The following CDH2 variants were observed in gnomAD, a reference collection of about 807,000 sequenced individuals.
CDH2 encodes the protein cadherin-2.
A neutral mutation model predicts 92.0 loss-of-function variants in CDH2; 17 were observed. That is an observed-to-expected ratio of 0.18 (90% CI 0.13 to 0.28). The LOEUF (loss-of-function observed/expected upper bound fraction) is 0.28. CDH2 is among the 10% of genes least tolerant of loss of function. The pLI is 1.00. For synonymous variants in CDH2, 419 were observed against 415.9 expected, an observed-to-expected ratio of 1.01 and a Z score of -0.09; for missense variants, 862 against 1,133.1, an observed-to-expected ratio of 0.76 and a Z score of 3.44.
intron 4 of CDH2, 105 bp from the exon 5 acceptor site, chr18:28,009,977 C>T (rs1212279499): frequency 3.9e-6 from 3 of 760,096 alleles, no homozygotes; most frequent in East Asian, 2.9e-5. Flanking sequence ...CAAACTTATA[C>T]CATCTCTCCC....
At chr18:28,164,653 C>G (rs754214346) in intron 1 of CDH2, among the ~76,000 whole-genome samples, 5 of 132,370 alleles carry the variant, frequency 3.8e-5, no homozygotes, top group Non-Finnish European at 5.9e-5. Context: ...AGTCTCAAAA[C>G]ACACACACAC....
At chr18:27,995,439 A>G (rs2012552147) in intron 7 of CDH2, among the ~76,000 whole-genome samples, 1 of 152,164 alleles carries the variant, frequency 6.6e-6, no homozygotes, top group African/African-American at 2.4e-5. Context: ...TTCGCAGGAC[A>G]TTCAGTTCAG....
chr18:28,147,604 T>C, intron 2 of CDH2, 69 bp downstream of exon 2: 1 of 975,710 alleles, frequency 1.0e-6, no homozygotes, highest in Non-Finnish European at 1.6e-6. Context: ...TGATTTAGGC[T>C]TTTTTAATGG....
intron 2 of CDH2, among the ~76,000 whole-genome samples, chr18:28,087,536 G>C (rs2014956214): frequency 6.6e-6 from 1 of 151,966 alleles, no homozygotes; most frequent in Non-Finnish European, 1.5e-5. Context: ...GATAAACTGG[G>C]TTTTTACTCC....
intron 14 of CDH2, among the ~76,000 whole-genome samples, chr18:27,975,606 T>G (rs2011801195): frequency 6.6e-6 from 1 of 152,216 alleles, no homozygotes; most frequent in African/African-American, 2.4e-5. Flanking sequence ...GAGGGCGTGT[T>G]ACAATGCTCT....
At chr18:28,117,747 C>T (rs1290595039) in intron 2 of CDH2, among the ~76,000 whole-genome samples, 2 of 151,982 alleles carry the variant, frequency 1.3e-5, no homozygotes, top group Admixed American at 6.6e-5. Flanking sequence ...TCAGTAACCA[C>T]GTAGTGCAAA....
chr18:27,988,709 T>A (rs776509684), intron 10 of CDH2, 43 bp from the exon 11 acceptor site: 3 of 1,429,272 alleles, frequency 2.1e-6, no homozygotes, highest in African/African-American at 1.4e-5. Context: ...TATGAAACTT[T>A]AAAAAAACAT....
chr18:28,088,145 A>G (rs912038673), intron 2 of CDH2, among the ~76,000 whole-genome samples: 1 of 152,228 alleles, frequency 6.6e-6, no homozygotes, highest in African/African-American at 2.4e-5. Flanking sequence ...GAAGCAACTA[A>G]TTTATAACAC....
At chr18:28,061,185 A>G (rs1413667154) in intron 2 of CDH2, among the ~76,000 whole-genome samples, 2 of 152,132 alleles carry the variant, frequency 1.3e-5, no homozygotes, top group East Asian at 3.9e-4. Context: ...TGGGACTTAT[A>G]TATTGTACTT....
intron 2 of CDH2, among the ~76,000 whole-genome samples, chr18:28,053,744 T>G (rs1325436662): frequency 6.6e-6 from 1 of 152,220 alleles, no homozygotes; most frequent in Non-Finnish European, 1.5e-5. Context: ...TATACTAAAT[T>G]TGTTTTTTAA....
intron 1 of CDH2, among the ~76,000 whole-genome samples, chr18:28,152,120 C>T (rs1449002407): frequency 6.6e-6 from 1 of 152,218 alleles, no homozygotes; most frequent in South Asian, 2.1e-4. Flanking sequence ...TGTTAAGTTC[C>T]GTATCACATT....
chr18:27,945,323 A>ATTTTTTTTTTTTTTTTTTTTT lies in CDH2; in HGVS notation c.1152-12220_1152-12200dup, dbSNP rs66537834. Among the ~76,000 whole-genome samples the ATTTTTTTTTTTTTTTTTTTTT allele has an allele frequency of 1.1e-4, 7 of 66,460 alleles. 1 individual carries two copies. The highest frequency in any genetic ancestry group is 4.9e-4 in the Admixed American group (2 of 4,074). The allele number at this position is 66,460 out of a possible 152,430, so 43.6% of individuals were successfully genotyped here. A position where few individuals can be genotyped will look rare whatever the true frequency, so the allele number is the denominator to read the frequency against. On this transcript the variant is annotated intron_variant, in intron 6 of 6. Coordinates refer to the CDH2 transcript ENST00000675173. Reference sequence around the variant, plus strand: ...CAACTGATACTTTCCAGGAAGGAAGATTTTTTTTTTTTTTTTTTTTTTTTT... The same window carrying ATTTTTTTTTTTTTTTTTTTTT: ...CAACTGATACTTTCCAGGAAGGAAGATTTTTTTTTTTTTTTTTTTTTTTTTTTTTTTTTTTTTTTTTTTTTT...
At chr18:28,101,172 T>C (rs2015220101) in intron 2 of CDH2, among the ~76,000 whole-genome samples, 1 of 152,186 alleles carries the variant, frequency 6.6e-6, no homozygotes, top group South Asian at 2.1e-4. Flanking sequence ...TTGATGTTAA[T>C]GGCTTAAATA....
intron 2 of CDH2, among the ~76,000 whole-genome samples, chr18:28,108,776 T>TAA (rs566385594): frequency 7.3e-5 from 10 of 137,522 alleles, no homozygotes; most frequent in African/African-American, 2.4e-4. Context: ...TAGATGTACC[T>TAA]AAAAAAAAAA....
intron 2 of CDH2, among the ~76,000 whole-genome samples, chr18:28,137,635 A>G (rs2015885642): frequency 6.6e-6 from 1 of 152,172 alleles, no homozygotes; most frequent in Admixed American, 6.5e-5. Context: ...TCCGAACACC[A>G]TAAGGGATCT....
At chr18:27,935,032 C>T (rs1908984898) in intron 6 of CDH2, among the ~76,000 whole-genome samples, 2 of 152,150 alleles carry the variant, frequency 1.3e-5, no homozygotes, top group African/African-American at 2.4e-5. Context: ...CCAGAACATG[C>T]CTTGAGATCA....
intron 2 of CDH2, among the ~76,000 whole-genome samples, chr18:28,090,939 T>C (rs2015025572): frequency 6.6e-6 from 1 of 152,200 alleles, no homozygotes; most frequent in South Asian, 2.1e-4. Flanking sequence ...CTATATCCAA[T>C]AGTGGTTGAA....
chr18:27,979,925 TAA>T (rs985384444), intron 14 of CDH2, among the ~76,000 whole-genome samples: 1 of 152,188 alleles, frequency 6.6e-6, no homozygotes, highest in African/African-American at 2.4e-5. Context: ...CTGGTTGGGA[TAA>T]AGTCATGAGA....
chr18:28,117,179 C>T (rs1268872985), intron 2 of CDH2, among the ~76,000 whole-genome samples: 2 of 152,048 alleles, frequency 1.3e-5, no homozygotes, highest in Admixed American at 1.3e-4. Context: ...AAAAGGCATC[C>T]ACTCACATAC....
Sources: gnomAD v4.1 joint callset for allele counts (sites outside exome capture counted in the v4.1 genomes callset) on GRCh38, gnomAD v4.1.1 for gene constraint, MANE v1.5 for transcripts, NCBI Gene and HGNC (gene_info 2026-07-23, HGNC 2026-07-21) for gene names.